CCDC192: variants seen among roughly 807,000 people sequenced by gnomAD.
The protein encoded by CCDC192 is coiled-coil domain containing 192, also known as coiled-coil domain-containing protein 192.
intron 6 of CCDC192, among the ~76,000 whole-genome samples, chr5:127,924,680 T>C (rs1753818061): frequency 6.6e-6 from 1 of 152,306 alleles, no homozygotes; most frequent in East Asian, 1.9e-4. Context: ...GATGGAGTGA[T>C]GTGGTTGAAA....
At chr5:127,784,043 C>T (rs1756395095) in intron 3 of CCDC192, among the ~76,000 whole-genome samples, 2 of 152,132 alleles carry the variant, frequency 1.3e-5, no homozygotes, top group African/African-American at 4.8e-5. Flanking sequence ...TTAGGAGAGT[C>T]TCTTGAAGGC....
At chr5:127,897,803 A>T (rs1267946714) in intron 6 of CCDC192, among the ~76,000 whole-genome samples, 2 of 152,216 alleles carry the variant, frequency 1.3e-5, no homozygotes, top group East Asian at 3.8e-4. Context: ...ATATTTAAGA[A>T]TGTTTCAACT....
intron 6 of CCDC192, among the ~76,000 whole-genome samples, chr5:127,893,511 G>A (rs1487470250): frequency 2.6e-5 from 4 of 152,112 alleles, no homozygotes; most frequent in African/African-American, 4.8e-5. Flanking sequence ...TCTCCAGTCC[G>A]TAGACCTCTT....
intron 5 of CCDC192, among the ~76,000 whole-genome samples, chr5:127,862,064 G>A (rs955308552): frequency 6.6e-6 from 1 of 152,170 alleles, no homozygotes; most frequent in Non-Finnish European, 1.5e-5. Flanking sequence ...GGGAGTGCTG[G>A]AGCATTGAAT....
intron 3 of CCDC192, chr5:127,786,001 A>T: frequency 1.7e-6 from 1 of 583,230 alleles, no homozygotes; most frequent in Non-Finnish European, 3.2e-6. Flanking sequence ...TTCAATAGCT[A>T]AAAGACCCTG....
intron 5 of CCDC192, among the ~76,000 whole-genome samples, chr5:127,825,553 G>A (rs1408206056): frequency 6.6e-6 from 1 of 152,160 alleles, no homozygotes; most frequent in Non-Finnish European, 1.5e-5. Flanking sequence ...GCTGTCTCCT[G>A]GACATGACAC....
intron 2 of CCDC192, among the ~76,000 whole-genome samples, chr5:127,743,350 C>T (rs1753532745): frequency 6.6e-6 from 1 of 152,206 alleles, no homozygotes; most frequent in Non-Finnish European, 1.5e-5. Context: ...ATCTTACCCA[C>T]ACCTTCTAAA....
At chr5:127,909,140 TG>T (rs1178156288) in intron 6 of CCDC192, among the ~76,000 whole-genome samples, 1 of 152,152 alleles carries the variant, frequency 6.6e-6, no homozygotes, top group Non-Finnish European at 1.5e-5. Flanking sequence ...GAGAAAGGTC[TG>T]TGAAGGCAGA....
chr5:127,923,518 C>T (rs1753786006), intron 6 of CCDC192, among the ~76,000 whole-genome samples: 1 of 152,110 alleles, frequency 6.6e-6, no homozygotes, highest in South Asian at 2.1e-4. Flanking sequence ...GCTGGGACTA[C>T]AGGCGCCCGC....
chr5:127,713,795 A>T (rs1363446161), intron 2 of CCDC192, among the ~76,000 whole-genome samples: 15 of 152,186 alleles, frequency 9.9e-5, no homozygotes, highest in Non-Finnish European at 2.1e-4. Flanking sequence ...ATGTGTAGTG[A>T]TCAAATTAGG....
intron 6 of CCDC192, among the ~76,000 whole-genome samples, chr5:127,887,706 AT>A (rs201453082): frequency 0.015 from 2,120 of 140,312 alleles, 22 homozygotes; most frequent in African/African-American, 0.037. Context: ...TTTATTAACT[AT>A]TTTTTTTTTT....
intron 5 of CCDC192, among the ~76,000 whole-genome samples, chr5:127,808,533 TCTA>T (rs888481459): frequency 3.3e-5 from 5 of 152,174 alleles, no homozygotes; most frequent in African/African-American, 2.4e-5. Context: ...CCCGCTACCT[TCTA>T]CTGCTAGTTG....
chr5:127,708,625 C>A (rs927139963), intron 2 of CCDC192, among the ~76,000 whole-genome samples: 1 of 151,994 alleles, frequency 6.6e-6, no homozygotes, highest in Non-Finnish European at 1.5e-5. Flanking sequence ...CATCTCCAAC[C>A]TTTGTGATGA....
At chr5:127,850,607 A>G (rs1750752590) in intron 5 of CCDC192, among the ~76,000 whole-genome samples, 1 of 152,152 alleles carries the variant, frequency 6.6e-6, no homozygotes, top group African/African-American at 2.4e-5. Flanking sequence ...CTGAGAGTTG[A>G]GAGTTTGAGA....
At position 127,842,213 on chromosome 5, in the gene CCDC192, TTAG is replaced by T. The variant is rs1259960715; in HGVS notation, c.412-33322_412-33320del. 2.7e-5 allele frequency among the ~76,000 whole-genome samples: 4 copies of T among 149,240 alleles called. No individual in the cohort carries two copies. The East Asian group carries it at 7.7e-4, about 29-fold the overall frequency. On this transcript the variant is annotated intron_variant, in intron 5 of 6. Transcript: ENST00000514853. ...CCCATCTTGAAATTCTTTTTTATTA[TTAG>T]TATTTTTAATTTTTCTAGAGACAGG...
chr5:127,743,418 C>T (rs1466175430), intron 2 of CCDC192, among the ~76,000 whole-genome samples: 1 of 152,172 alleles, frequency 6.6e-6, no homozygotes, highest in Non-Finnish European at 1.5e-5. Context: ...CTATTTCCTG[C>T]TGTCTTGATC....
At chr5:127,827,540 G>T (rs1229806641) in intron 5 of CCDC192, among the ~76,000 whole-genome samples, 1 of 152,186 alleles carries the variant, frequency 6.6e-6, no homozygotes, top group East Asian at 1.9e-4. Flanking sequence ...TACTGGCATG[G>T]TTTATGGTGT....
intron 3 of CCDC192, among the ~76,000 whole-genome samples, chr5:127,776,005 C>T (rs1392718805): frequency 6.6e-6 from 1 of 152,158 alleles, no homozygotes; most frequent in African/African-American, 2.4e-5. Context: ...TCTTTATTAG[C>T]AGCATGAGTA....
At chr5:127,741,471 A>G (rs1403766134) in intron 2 of CCDC192, among the ~76,000 whole-genome samples, 1 of 152,152 alleles carries the variant, frequency 6.6e-6, no homozygotes, top group Non-Finnish European at 1.5e-5. Context: ...GAGTGCTTAA[A>G]CACCCTGAAA....
Sources: gnomAD v4.1 joint callset for allele counts (sites outside exome capture counted in the v4.1 genomes callset) on GRCh38, gnomAD v4.1.1 for gene constraint, MANE v1.5 for transcripts, NCBI Gene and HGNC (gene_info 2026-07-23, HGNC 2026-07-21) for gene names.